Variants in RGS6 observed in about 807,000 individuals in gnomAD.
The protein encoded by RGS6 is regulator of G-protein signaling 6.
A neutral mutation model predicts 78.5 loss-of-function variants in RGS6; 30 were observed. That is an observed-to-expected ratio of 0.38 (90% CI 0.29 to 0.52). The LOEUF (loss-of-function observed/expected upper bound fraction) is 0.52, where lower values mean the gene tolerates loss of function less well. Ranked by LOEUF, RGS6 falls within the 20% of genes least tolerant of loss-of-function variation. The pLI, the probability that RGS6 is intolerant of heterozygous loss-of-function variation, is 0.85. For synonymous variants in RGS6, 206 were observed against 206.0 expected, an observed-to-expected ratio of 1.00 and a Z score of 0.00; for missense variants, 495 against 609.7, an observed-to-expected ratio of 0.81 and a Z score of 1.98.
intron 17 of RGS6, among the ~76,000 whole-genome samples, chr14:72,544,708 G>A (rs1407651383): frequency 1.3e-5 from 2 of 152,170 alleles, no homozygotes; most frequent in African/African-American, 2.4e-5. Context: ...GATGGGGAGC[G>A]GGAAGCTCTG....
At chr14:72,337,264 TA>T (rs2076204694) in intron 2 of RGS6, among the ~76,000 whole-genome samples, 1 of 59,524 alleles carries the variant, frequency 1.7e-5, no homozygotes, top group South Asian at 5.1e-4. Context: ...CCCCACCACC[TA>T]ACCAACACCC....
chr14:72,580,871 C>T, the RGS6 span, among the ~76,000 whole-genome samples: 1 of 152,204 alleles, frequency 6.6e-6, no homozygotes, highest in Non-Finnish European at 1.5e-5. Flanking sequence ...CTGCCTTCAA[C>T]CTGCTCTGCC....
intron 2 of RGS6, among the ~76,000 whole-genome samples, chr14:72,005,194 T>C (rs1409776597): frequency 6.6e-6 from 1 of 152,226 alleles, no homozygotes; most frequent in Non-Finnish European, 1.5e-5. Flanking sequence ...GAGCCTATTT[T>C]TGCATTAAAA....
chr14:72,221,997 T>G (rs575831859), intron 2 of RGS6, among the ~76,000 whole-genome samples: 2 of 152,348 alleles, frequency 1.3e-5, no homozygotes, highest in African/African-American at 4.8e-5. Context: ...TCATTAAAAT[T>G]TACTACTCTT....
chr14:72,575,892 C>A, the RGS6 span, among the ~76,000 whole-genome samples: 2 of 152,226 alleles, frequency 1.3e-5, no homozygotes, highest in Non-Finnish European at 2.9e-5. Flanking sequence ...TTGCTTTCGG[C>A]TCCCTGTCCT....
chr14:72,339,181 G>A (rs2076544281), intron 2 of RGS6, among the ~76,000 whole-genome samples: 1 of 151,986 alleles, frequency 6.6e-6, no homozygotes, highest in African/African-American at 2.4e-5. Flanking sequence ...TACTGTTAAG[G>A]GGTGGGGCCC....
chr14:71,950,227 C>T (rs1004977657), intron 1 of RGS6, among the ~76,000 whole-genome samples: 3 of 152,250 alleles, frequency 2.0e-5, no homozygotes, highest in Admixed American at 6.5e-5. Flanking sequence ...GTACAAAAAA[C>T]AGACACATAG....
chr14:72,474,658 C>G lies in RGS6; in HGVS notation c.652C>G (p.Arg218Gly), dbSNP rs200924429. The change falls in exon 10 of 18, where the codon CGA (arginine) becomes GGA (glycine). Residue 218 changes from arginine to glycine, a missense_variant. Physicochemically the swap from Arg to Gly is moderately radical, Grantham distance 125. Coordinates refer to ENST00000553525, the MANE Select transcript of RGS6 (RefSeq NM_001204424.2). ...TGTGAACACAACAGAAATGGATATC[C>G]GAAAATGTCGACGTTTGAAGAATCC... is the stretch of plus-strand genomic sequence containing the variant. ...GCVNTTEMDI[R>G]KCRRLKNPQK... 6.2e-7 allele frequency: 1 copy of G among 1,612,690 alleles called. No homozygotes were observed. The highest frequency in any genetic ancestry group is 2.2e-5 in the East Asian group (1 of 44,852).
chr14:72,078,876 A>T (rs1365951946), intron 2 of RGS6, among the ~76,000 whole-genome samples: 1 of 152,090 alleles, frequency 6.6e-6, no homozygotes, highest in Admixed American at 6.5e-5. Context: ...ATCTTCCCTT[A>T]TATTTATTAT....
chr14:71,892,211 G>T, the RGS6 span, among the ~76,000 whole-genome samples: 1 of 152,142 alleles, frequency 6.6e-6, no homozygotes, highest in South Asian at 2.1e-4. Flanking sequence ...ACTGTCATGG[G>T]TTGGATCCAC....
At chr14:72,137,977 C>G (rs1399098722) in intron 2 of RGS6, among the ~76,000 whole-genome samples, 2 of 152,128 alleles carry the variant, frequency 1.3e-5, no homozygotes, top group African/African-American at 2.4e-5. Context: ...CAACCCCCAT[C>G]CTGAGGCTAT....
At chr14:72,231,214 A>T (rs1421570574) in intron 2 of RGS6, among the ~76,000 whole-genome samples, 1 of 152,212 alleles carries the variant, frequency 6.6e-6, no homozygotes, top group Non-Finnish European at 1.5e-5. Flanking sequence ...CAACCCCACC[A>T]GTTAAAATGA....
At chr14:72,272,827 C>T (rs571367216) in intron 2 of RGS6, among the ~76,000 whole-genome samples, 120 of 152,260 alleles carry the variant, frequency 7.9e-4, no homozygotes, top group African/African-American at 2.7e-3. Flanking sequence ...AGAGAATCGA[C>T]TTGGAGACCA....
At chr14:72,092,708 G>A (rs954417513) in intron 2 of RGS6, among the ~76,000 whole-genome samples, 1 of 152,130 alleles carries the variant, frequency 6.6e-6, no homozygotes, top group Non-Finnish European at 1.5e-5. Context: ...TTTAAAGATA[G>A]ACTTCCTATC....
intron 2 of RGS6, chr14:72,022,302 G>T (rs1335825793): frequency 6.6e-6 from 1 of 152,188 alleles, no homozygotes; most frequent in Non-Finnish European, 1.5e-5. Context: ...CCAGCAGTGG[G>T]ATTGCTGGGT....
chr14:72,350,475 G>C lies in RGS6; in HGVS notation c.85-1620G>C, dbSNP rs548193915. On this transcript the variant is annotated intron_variant, in intron 2 of 17. Coordinates refer to ENST00000553525, the MANE Select transcript of RGS6 (RefSeq NM_001204424.2). ...TGTCACCCAGAGGACTGAGTCCCTG[G>C]CTCCTTTGTGGTTGGGTGGTGCTAT... 5.1e-4 allele frequency among the ~76,000 whole-genome samples: 77 copies of C among 152,288 alleles called. 1 individual carries two copies. Among genetic ancestry groups the C allele is most frequent in the African/African-American group, 1.8e-3 (75 of 41,552 alleles).
At chr14:72,378,230 A>C (rs1214599192) in intron 3 of RGS6, among the ~76,000 whole-genome samples, 4 of 152,230 alleles carry the variant, frequency 2.6e-5, no homozygotes, top group Non-Finnish European at 5.9e-5. Context: ...GCAAGTTTAT[A>C]GCAATAAATT....
chr14:72,562,991 G>A lies in RGS6; in HGVS notation c.*524G>A. The A allele has an allele frequency of 1.7e-6, 1 of 581,416 alleles. No homozygotes were observed. Among genetic ancestry groups the A allele is most frequent in the South Asian group, 2.1e-5 (1 of 48,762 alleles). 36.0% of individuals were successfully genotyped at this position (581,416 alleles called of 1,614,324 possible). A position where few individuals can be genotyped will look rare whatever the true frequency, so the allele number is the denominator to read the frequency against. On this transcript the variant is annotated 3_prime_UTR_variant, in exon 18 of 18. Transcript: ENST00000553525. ...TCCCTCACGTCTCTGTGGCCACCCG[G>A]GTGTCACTGCCAGCACCAGGCACTG... is the stretch of plus-strand genomic sequence containing the variant.
At chr14:72,360,742 G>T (rs1388888126) in intron 3 of RGS6, among the ~76,000 whole-genome samples, 2 of 152,090 alleles carry the variant, frequency 1.3e-5, no homozygotes, top group Non-Finnish European at 2.9e-5. Flanking sequence ...AGTAGAGATT[G>T]ACTGGACTAG....
Sources: allele counts gnomAD v4.1 joint callset (sites outside exome capture counted in the v4.1 genomes callset), GRCh38; gene constraint gnomAD v4.1.1; transcripts MANE v1.5; gene names NCBI Gene and HGNC (gene_info 2026-07-23, HGNC 2026-07-21).